KCNQ1: variants seen among roughly 807,000 people sequenced by gnomAD.
KCNQ1 encodes the protein potassium voltage-gated channel subfamily Q member 1.
Under a neutral mutation model 72.4 loss-of-function variants are expected in KCNQ1, and 49 were observed. That is an observed-to-expected ratio of 0.68 (90% CI 0.54 to 0.86). The LOEUF (loss-of-function observed/expected upper bound fraction) is 0.86. KCNQ1 is among the 40% of genes least tolerant of loss of function. The pLI is 0.00. For missense variants in KCNQ1, 790 were observed against 945.1 expected (o/e 0.84, Z 2.15); for synonymous variants, 450 against 412.6 (o/e 1.09, Z -1.10).
In KCNQ1 at chr11:2,507,805, G is replaced by A. The variant is rs3819513; in HGVS notation, c.387-20123G>A. On this transcript the variant is annotated intron_variant, in intron 1 of 15. Transcript: ENST00000155840. The surrounding 1 kb of genome is among the most constrained non-coding windows in gnomAD (Gnocchi z 5.4). ...GTGGGTGGAAGGGCAGAGGGCAAGG[G>A]CCAAGTGATGGCAGCTGTGGAGGCT... Among the ~76,000 whole-genome samples the A allele has an allele frequency of 0.41, 61,748 of 151,798 alleles. 14,248 individuals carry two copies. The highest frequency in any genetic ancestry group is 0.53 in the Non-Finnish European group (36,261 of 67,824).
At chr11:2,688,073 T>G (rs1850522251) in intron 11 of KCNQ1, 1 of 398,864 alleles carries the variant, frequency 2.5e-6, no homozygotes, top group South Asian at 1.3e-4. Context: ...TTGGTGCTTC[T>G]AGGGCCTGGG....
At chr11:2,733,864 C>T (rs7480990) in intron 11 of KCNQ1, among the ~76,000 whole-genome samples, 62,772 of 97,064 alleles carry the variant, frequency 0.65, 21,332 homozygotes, top group Middle Eastern at 0.74. Flanking sequence ...TCTCCCCCCC[C>T]ACTTCAGGGC....
chr11:2,585,084 C>T, intron 7 of KCNQ1, 128 bp from the exon 8 acceptor site: 2 of 829,262 alleles, frequency 2.4e-6, no homozygotes. Context: ...CGAGGTGGGA[C>T]TTGGGGGGGC....
chr11:2,683,873 C>T lies in KCNQ1; in HGVS notation c.1514+21792C>T, dbSNP rs1590030208. Reference sequence around the variant, plus strand: ...GCCCCACACTCACTGCTACATCTCTCTTCCAAATCATAAATGCAAAAGATG... The same window carrying T: ...GCCCCACACTCACTGCTACATCTCTTTTCCAAATCATAAATGCAAAAGATG... On this transcript the variant is annotated intron_variant, in intron 11 of 15. Transcript: ENST00000155840. The surrounding 1 kb of genome is among the most constrained non-coding windows in gnomAD (Gnocchi z 4.7). 2.5e-6 allele frequency: 1 copy of T among 398,614 alleles called. No homozygotes were observed. Among genetic ancestry groups the T allele is most frequent in the South Asian group, 1.3e-4 (1 of 7,850 alleles). The allele number at this position is 398,614 out of a possible 1,614,324, so 24.7% of individuals were successfully genotyped here.
At position 2,670,445 on chromosome 11, in the gene KCNQ1, G is replaced by A. The variant is rs183086986; in HGVS notation, c.1514+8364G>A. On this transcript the variant is annotated intron_variant, in intron 11 of 15. Transcript: ENST00000155840. The surrounding 1 kb of genome is among the most constrained non-coding windows in gnomAD (Gnocchi z 4.9). ...GGGTTAGGAGATACTGCTGTTGGCT[G>A]AGACACACAGCCCACATCCTTGGTA... The A allele has an allele frequency of 2.5e-6, 1 of 397,950 alleles. No individual in the cohort carries two copies. Among genetic ancestry groups the A allele is most frequent in the Admixed American group, 4.4e-5 (1 of 22,608 alleles). The allele number at this position is 397,950 out of a possible 1,614,324, so 24.7% of individuals were successfully genotyped here. A position where few individuals can be genotyped will look rare whatever the true frequency, so the allele number is the denominator to read the frequency against.
intron 11 of KCNQ1, among the ~76,000 whole-genome samples, chr11:2,717,528 C>T (rs567044245): frequency 1.3e-5 from 2 of 152,312 alleles, no homozygotes; most frequent in South Asian, 2.1e-4. Flanking sequence ...AATGAAAGTG[C>T]CTCTGCCCCA....
Position 2,601,281 on chromosome 11 carries a change from T to C in KCNQ1, c.1393+12427T>C, listed in dbSNP as rs1281553751. Among the ~76,000 whole-genome samples the C allele has an allele frequency of 6.6e-6, 1 of 152,230 alleles. No homozygotes were observed. On this transcript the variant is annotated intron_variant, in intron 10 of 15. Transcript: ENST00000155840. This position sits in a 1 kb window ranked among gnomAD's most constrained non-coding sequence, Gnocchi z 5.2. The stretch of plus-strand genomic sequence containing the variant: ...CATTTTCCTAATGATGCTGAGCATT[T>C]TTCCACGTGCCTAGTGCCCAATTGT...
Position 2,679,920 on chromosome 11 carries a change from G to C in KCNQ1, c.1514+17839G>C. On this transcript the variant is annotated intron_variant, in intron 11 of 15. Transcript: ENST00000155840. This position sits in a 1 kb window ranked among gnomAD's most constrained non-coding sequence, Gnocchi z 4.8. The stretch of plus-strand genomic sequence containing the variant: ...TTATTTTTATTTTTTTTGAGGCAGA[G>C]TCTCACTTTGTCACCTAGGCGGGAA... The C allele has an allele frequency of 2.5e-6, 1 of 397,296 alleles. No homozygotes were observed. Among genetic ancestry groups the C allele is most frequent in the African/African-American group, 2.1e-5 (1 of 48,548 alleles). 24.6% of individuals were successfully genotyped at this position (397,296 alleles called of 1,614,324 possible). A position where few individuals can be genotyped will look rare whatever the true frequency, so the allele number is the denominator to read the frequency against.
intron 15 of KCNQ1, among the ~76,000 whole-genome samples, chr11:2,821,072 G>T (rs530686658): frequency 6.6e-6 from 1 of 152,222 alleles, no homozygotes; most frequent in Non-Finnish European, 1.5e-5. Context: ...AGCACTCTTC[G>T]GAGGCCAGGT....
At chr11:2,607,556 T>C (rs1848901023) in intron 10 of KCNQ1, among the ~76,000 whole-genome samples, 1 of 152,154 alleles carries the variant, frequency 6.6e-6, no homozygotes, top group Non-Finnish European at 1.5e-5. Context: ...AAGACAACTG[T>C]TCATGAACCA....
rs995657792 is a variant in KCNQ1 at position 2,479,425 on chromosome 11, A to G, written c.386+33941A>G. On this transcript the variant is annotated intron_variant, in intron 1 of 15. Transcript: ENST00000155840. The surrounding 1 kb of genome is among the most constrained non-coding windows in gnomAD (Gnocchi z 4.6). ...TCTAGGCAGAGCTTTCCATACCTCA[A>G]TTCTTGACTTCTGTGCACCCACAGG... Among the ~76,000 whole-genome samples the G allele has an allele frequency of 6.6e-6, 1 of 152,214 alleles. No individual in the cohort carries two copies. The highest frequency in any genetic ancestry group is 1.5e-5 in the Non-Finnish European group (1 of 68,034).
At chr11:2,461,468 C>G (rs1846276523) in intron 1 of KCNQ1, 1 of 1,289,778 alleles carries the variant, frequency 7.8e-7, no homozygotes, top group African/African-American at 1.5e-5. Flanking sequence ...CTTCCATGGC[C>G]TGGGGCTGTG....
At position 2,528,155 on chromosome 11, in the gene KCNQ1, G is replaced by A. The variant is rs1442554815; in HGVS notation, c.477+137G>A. 3 of 789,470 alleles carry A rather than the reference G, an allele frequency of 3.8e-6. No homozygotes were observed. In the African/African-American group the frequency reaches 5.1e-5, roughly 13 times the overall value. The allele number at this position is 789,470 out of a possible 1,614,324, so 48.9% of individuals were successfully genotyped here. On this transcript the variant is annotated intron_variant, in intron 2 of 15. Coordinates refer to ENST00000155840, the MANE Select transcript of KCNQ1 (RefSeq NM_000218.3). ...CACACATTGGTCCTGCCCTGATACA[G>A]GGGGCACCTCCCCAGCCCCCACACT...
At position 2,620,211 on chromosome 11, in the gene KCNQ1, A is replaced by ATATTT. The variant is rs1383035176; in HGVS notation, c.1393+31358_1393+31359insATTTT. On this transcript the variant is annotated intron_variant, in intron 10 of 15. Transcript: ENST00000155840. The surrounding 1 kb of genome is among the most constrained non-coding windows in gnomAD (Gnocchi z 4.5). Reference sequence around the variant, plus strand: ...TAAGTTCATTCATGTATATATATATATTTTTTTTTTTTATTTTTTTTTTAG... The same window carrying ATATTT: ...TAAGTTCATTCATGTATATATATATATATTTTTTTTTTTTTTTATTTTTTTTTTAG... 907 of 261,952 alleles carry ATATTT rather than the reference A, an allele frequency of 3.5e-3. 6 individuals carry two copies. The highest frequency in any genetic ancestry group is 0.018 in the African/African-American group (703 of 38,086). 16.2% of individuals were successfully genotyped at this position (261,952 alleles called of 1,614,324 possible). A position where few individuals can be genotyped will look rare whatever the true frequency, so the allele number is the denominator to read the frequency against.
intron 11 of KCNQ1, chr11:2,666,699 C>G: frequency 2.5e-6 from 1 of 398,724 alleles, no homozygotes; most frequent in Admixed American, 4.4e-5. Context: ...ATTTTGGAGA[C>G]ATCCAGGTCC....
chr11:2,646,087 C>G (rs1016683482), intron 10 of KCNQ1: 2 of 398,542 alleles, frequency 5.0e-6, no homozygotes, highest in African/African-American at 4.1e-5. Context: ...AGCAGACTGC[C>G]TGACTCCCCT....
At chr11:2,556,566 G>A (rs533677982) in intron 2 of KCNQ1, among the ~76,000 whole-genome samples, 63 of 152,292 alleles carry the variant, frequency 4.1e-4, no homozygotes, top group African/African-American at 1.2e-3. Context: ...CAGAAATCGC[G>A]TGGCCTGCAA....
Position 2,632,141 on chromosome 11 carries a change from C to G in KCNQ1, c.1394-29820C>G, listed in dbSNP as rs1849365524. On this transcript the variant is annotated intron_variant, in intron 10 of 15. Transcript: ENST00000155840. ...GAGCTTGCAGTGAGCCGAGATCGCG[C>G]CACTACACTCTAGCCTGGGCGACAG... 4 of 392,948 alleles carry G rather than the reference C, an allele frequency of 1.0e-5. No individual in the cohort carries two copies. The Admixed American group carries it at 1.8e-4, about 18-fold the overall frequency. The allele number at this position is 392,948 out of a possible 1,614,324, so 24.3% of individuals were successfully genotyped here.
chr11:2,755,671 A>G (rs1161015063), intron 11 of KCNQ1, among the ~76,000 whole-genome samples: 1 of 152,216 alleles, frequency 6.6e-6, no homozygotes, highest in African/African-American at 2.4e-5. Context: ...TCCCTTTTCC[A>G]TATAACGTAA....
Sources: allele counts gnomAD v4.1 joint callset (sites outside exome capture counted in the v4.1 genomes callset), GRCh38; gene constraint gnomAD v4.1.1; non-coding constraint Gnocchi (gnomAD v3.1); transcripts MANE v1.5; gene names NCBI Gene and HGNC (gene_info 2026-07-23, HGNC 2026-07-21).